KCTD8: variants seen among roughly 807,000 people sequenced by gnomAD.
The protein encoded by KCTD8 is BTB/POZ domain-containing protein KCTD8.
Under a neutral mutation model 31.5 loss-of-function variants are expected in KCTD8, and 27 were observed. The observed-to-expected ratio is 0.86, with a 90% CI of 0.63 to 1.18. The LOEUF (loss-of-function observed/expected upper bound fraction) is 1.18. Among genes scored for constraint, KCTD8 ranks in the 50% most tolerant of loss-of-function variants. The pLI is 0.00. For missense variants in KCTD8, 658 were observed against 647.7 expected (o/e 1.02, Z -0.17); for synonymous variants, 290 against 280.0 (o/e 1.04, Z -0.36).
intron 1 of KCTD8, among the ~76,000 whole-genome samples, chr4:44,264,259 G>C (rs1716268023): frequency 6.6e-6 from 1 of 152,070 alleles, no homozygotes; most frequent in African/African-American, 2.4e-5. Flanking sequence ...ATTCTTTATA[G>C]AATTTTTTAA....
intron 1 of KCTD8, among the ~76,000 whole-genome samples, chr4:44,356,398 G>A (rs531682831): frequency 1.3e-5 from 2 of 152,272 alleles, no homozygotes; most frequent in African/African-American, 2.4e-5. Context: ...GTTATTCAAG[G>A]AGAATTAATC....
chr4:44,196,612 C>T (rs373959673), intron 1 of KCTD8, among the ~76,000 whole-genome samples: 2 of 152,068 alleles, frequency 1.3e-5, no homozygotes, highest in African/African-American at 2.4e-5. Context: ...AGAGAACACA[C>T]GAAGAACAGA....
intron 1 of KCTD8, among the ~76,000 whole-genome samples, chr4:44,405,609 A>G (rs962751895): frequency 6.6e-6 from 1 of 151,940 alleles, no homozygotes; most frequent in African/African-American, 2.4e-5. Flanking sequence ...AGAAAGGCAT[A>G]CCCAGATTTA....
chr4:44,252,074 T>C (rs1383681318), intron 1 of KCTD8, among the ~76,000 whole-genome samples: 3 of 151,756 alleles, frequency 2.0e-5, no homozygotes, highest in South Asian at 2.1e-4. Flanking sequence ...TACATCCTTA[T>C]AGCTTAGCTC....
At chr4:44,261,458 G>A (rs901028168) in intron 1 of KCTD8, among the ~76,000 whole-genome samples, 6 of 151,832 alleles carry the variant, frequency 4.0e-5, no homozygotes, top group African/African-American at 9.7e-5. Flanking sequence ...AAGAGGTATC[G>A]ACATCTATTT....
At chr4:44,261,831 G>T (rs1716191023) in intron 1 of KCTD8, among the ~76,000 whole-genome samples, 1 of 151,976 alleles carries the variant, frequency 6.6e-6, no homozygotes, top group Admixed American at 6.6e-5. Context: ...CAGTGAATGT[G>T]TTAATTGATT....
chr4:44,283,025 T>TTTACTATTA (rs556074779), intron 1 of KCTD8, among the ~76,000 whole-genome samples: 36 of 136,328 alleles, frequency 2.6e-4, no homozygotes, highest in Non-Finnish European at 4.5e-4. Flanking sequence ...AACAACACAT[T>TTTACTATTA]TTATTATTAT....
chr4:44,245,308 GAC>G (rs1715624835), intron 1 of KCTD8, among the ~76,000 whole-genome samples: 1 of 150,254 alleles, frequency 6.7e-6, no homozygotes, highest in Non-Finnish European at 1.5e-5. Flanking sequence ...AGAGCACTAA[GAC>G]TGATAAAAAA....
At chr4:44,270,007 G>A (rs1228625010) in intron 1 of KCTD8, among the ~76,000 whole-genome samples, 2 of 152,042 alleles carry the variant, frequency 1.3e-5, no homozygotes, top group Non-Finnish European at 2.9e-5. Context: ...TCTAGAACTA[G>A]AAATACCATT....
rs955976281 is a variant in KCTD8, at chr4:44,174,702, A to G, written c.*88T>C. The G allele has an allele frequency of 4.0e-5, 38 of 959,630 alleles. No homozygotes were observed. The highest frequency in any genetic ancestry group is 5.7e-5 in the Non-Finnish European group (36 of 631,518). 59.4% of individuals were successfully genotyped at this position (959,630 alleles called of 1,614,324 possible). ...ACAACAAGGAAGAGCAGCAAGAATC[A>G]CACTGACCATTGTTAGGACATCAGT... On this transcript the variant is annotated 3_prime_UTR_variant, in exon 2 of 2. Coordinates refer to ENST00000360029, the MANE Select transcript of KCTD8 (RefSeq NM_198353.3).
At chr4:44,339,134 G>A (rs1300067191) in intron 1 of KCTD8, among the ~76,000 whole-genome samples, 1 of 152,104 alleles carries the variant, frequency 6.6e-6, no homozygotes. Context: ...TTTAAAAATT[G>A]TAAATATATT....
At chr4:44,177,948 T>G (rs1319367508) in intron 1 of KCTD8, among the ~76,000 whole-genome samples, 1 of 152,220 alleles carries the variant, frequency 6.6e-6, no homozygotes, top group Non-Finnish European at 1.5e-5. Context: ...AGACCCACTC[T>G]GGCCACCAGC....
At chr4:44,424,771 A>G (rs191488614) in intron 1 of KCTD8, among the ~76,000 whole-genome samples, 3 of 152,124 alleles carry the variant, frequency 2.0e-5, no homozygotes, top group Admixed American at 2.0e-4. Context: ...AATTTAATCA[A>G]TAGAAAATAT....
At chr4:44,403,920 A>T (rs1459690484) in intron 1 of KCTD8, among the ~76,000 whole-genome samples, 1 of 152,186 alleles carries the variant, frequency 6.6e-6, no homozygotes, top group Admixed American at 6.6e-5. Flanking sequence ...GGCATTTTTC[A>T]TTATTTTTAA....
intron 1 of KCTD8, among the ~76,000 whole-genome samples, chr4:44,384,527 C>A (rs1210000708): frequency 6.6e-6 from 1 of 151,738 alleles, no homozygotes; most frequent in Non-Finnish European, 1.5e-5. Context: ...AAATCAGGCA[C>A]AGAAAGATAA....
At chr4:44,383,315 C>T (rs927356333) in intron 1 of KCTD8, among the ~76,000 whole-genome samples, 1 of 151,886 alleles carries the variant, frequency 6.6e-6, no homozygotes, top group African/African-American at 2.4e-5. Flanking sequence ...TAGAAAAAAA[C>T]AATTTTAAAA....
intron 1 of KCTD8, among the ~76,000 whole-genome samples, chr4:44,381,604 A>G (rs1398917383): frequency 6.6e-6 from 1 of 152,072 alleles, no homozygotes; most frequent in Non-Finnish European, 1.5e-5. Context: ...TCCAAATGTC[A>G]TGTCGAAATG....
At chr4:44,266,437 A>T (rs1716368861) in intron 1 of KCTD8, among the ~76,000 whole-genome samples, 1 of 152,210 alleles carries the variant, frequency 6.6e-6, no homozygotes. Context: ...CACTGCAAAA[A>T]CATGCCAAAA....
intron 1 of KCTD8, among the ~76,000 whole-genome samples, chr4:44,181,867 G>A (rs1182480422): frequency 6.0e-5 from 9 of 150,420 alleles, no homozygotes; most frequent in African/African-American, 1.2e-4. Flanking sequence ...CCGCGACCCC[G>A]TCTGGGATGT....
Sources: allele counts gnomAD v4.1 joint callset (sites outside exome capture counted in the v4.1 genomes callset), GRCh38; gene constraint gnomAD v4.1.1; transcripts MANE v1.5; gene names NCBI Gene and HGNC (gene_info 2026-07-23, HGNC 2026-07-21).